The following CLEC16A variants were observed in gnomAD, a reference collection of about 807,000 sequenced individuals.
CLEC16A encodes the protein protein CLEC16A.
A neutral mutation model predicts 109.5 loss-of-function variants in CLEC16A; 51 were observed. That is an observed-to-expected ratio of 0.47 (90% CI 0.37 to 0.59). The LOEUF (loss-of-function observed/expected upper bound fraction) is 0.59. CLEC16A is among the 20% of genes least tolerant of loss of function. The pLI, the probability that CLEC16A is intolerant of heterozygous loss-of-function variation, is 0.00. For missense variants in CLEC16A, 1,339 were observed against 1,394.0 expected (o/e 0.96, Z 0.63); for synonymous variants, 673 against 564.2 (o/e 1.19, Z -2.73).
In CLEC16A at chr16:10,944,808, G is replaced by A. The variant is rs773542350; in HGVS notation, c.80+11G>A. 43 of 1,596,472 alleles carry A rather than the reference G, an allele frequency of 2.7e-5. No homozygotes were observed. The Admixed American group carries it at 4.1e-4, about 15-fold the overall frequency. On this transcript the variant is annotated intron_variant, in intron 1 of 23. Transcript: ENST00000409790. Reference sequence around the variant, plus strand: ...CTTGGACCACCTCAAGTGAGTGTGGGGGGCGTAGCGGGAGGCCTCGGGGCT... The same window carrying A: ...CTTGGACCACCTCAAGTGAGTGTGGAGGGCGTAGCGGGAGGCCTCGGGGCT...
chr16:11,055,533 G>T (rs1320104586), intron 18 of CLEC16A, among the ~76,000 whole-genome samples: 2 of 151,158 alleles, frequency 1.3e-5, no homozygotes, highest in East Asian at 1.9e-4. Flanking sequence ...CGCTTTGCAG[G>T]CCGTGGGGAG....
intron 19 of CLEC16A, among the ~76,000 whole-genome samples, chr16:11,119,801 T>C (rs1259622085): frequency 6.6e-6 from 1 of 152,194 alleles, no homozygotes; most frequent in African/African-American, 2.4e-5. Context: ...TGTTGGTATT[T>C]TGATAGGAAT....
intron 7 of CLEC16A, among the ~76,000 whole-genome samples, chr16:10,975,444 AT>A (rs1353112758): frequency 2.6e-5 from 4 of 152,214 alleles, no homozygotes; most frequent in African/African-American, 9.7e-5. Context: ...TTACTTTGAT[AT>A]TTTTTAAACC....
chr16:11,159,419 G>A (rs1047066662), intron 22 of CLEC16A, among the ~76,000 whole-genome samples: 3 of 152,248 alleles, frequency 2.0e-5, no homozygotes, highest in Non-Finnish European at 4.4e-5. Context: ...GCCTTGCCCT[G>A]TCTGATTTTC....
intron 11 of CLEC16A, among the ~76,000 whole-genome samples, chr16:11,011,535 T>G (rs1195406483): frequency 1.3e-5 from 2 of 152,204 alleles, no homozygotes; most frequent in Non-Finnish European, 2.9e-5. Context: ...CATGGTGTTC[T>G]GTGTTCATCT....
At chr16:11,123,979 GAGCACTTGGTGGGTC>G in intron 21 of CLEC16A, 33 bp downstream of exon 21, 1 of 1,561,626 alleles carries the variant, frequency 6.4e-7, no homozygotes, top group South Asian at 1.2e-5. Context: ...GGCATCCTCT[GAGCACTTGGTGGGTC>G]AGGGCTGTTT....
At chr16:11,081,855 T>C (rs936902772) in intron 19 of CLEC16A, among the ~76,000 whole-genome samples, 3 of 152,202 alleles carry the variant, frequency 2.0e-5, no homozygotes, top group African/African-American at 7.2e-5. Flanking sequence ...AATGTGCCTT[T>C]TTGTTTTTTC....
At chr16:11,149,637 T>C (rs1001261292) in intron 22 of CLEC16A, among the ~76,000 whole-genome samples, 2 of 151,896 alleles carry the variant, frequency 1.3e-5, no homozygotes, top group African/African-American at 2.4e-5. Flanking sequence ...ACTAAAAATA[T>C]AAATAGCTGG....
At chr16:11,000,734 T>A (rs1057067989) in intron 10 of CLEC16A, among the ~76,000 whole-genome samples, 6 of 152,212 alleles carry the variant, frequency 3.9e-5, no homozygotes, top group Non-Finnish European at 5.9e-5. Context: ...GGTTGAATAA[T>A]CCACAGTGGG....
At chr16:11,096,177 T>G (rs1597371815) in intron 19 of CLEC16A, among the ~76,000 whole-genome samples, 1 of 148,652 alleles carries the variant, frequency 6.7e-6, no homozygotes, top group Non-Finnish European at 1.5e-5. Flanking sequence ...ACCCCATCTC[T>G]AAAAAAAAAA....
rs199894098 is a variant in CLEC16A, at chr16:11,051,649, A to C, written c.1995+8A>C. 3.1e-6 allele frequency: 5 copies of C among 1,612,974 alleles called. No individual in the cohort carries two copies. The highest frequency in any genetic ancestry group is 4.2e-6 in the Non-Finnish European group (5 of 1,179,042). ...GTGGAGAAGACCCGGCGGGTGAGTG[A>C]GCACAGGACCTGTCATCTCCTGGGC... is the stretch of plus-strand genomic sequence containing the variant. On this transcript the variant is annotated splice_region_variant and intron_variant, in intron 18 of 23. Coordinates refer to ENST00000409790, the MANE Select transcript of CLEC16A (RefSeq NM_015226.3).
At chr16:11,162,413 C>T (rs1231601506) in intron 22 of CLEC16A, among the ~76,000 whole-genome samples, 1 of 152,218 alleles carries the variant, frequency 6.6e-6, no homozygotes, top group Admixed American at 6.5e-5. Context: ...TTTGTGTTCC[C>T]TCCATCATCC....
chr16:11,012,155 A>G (rs1435033788), intron 11 of CLEC16A, among the ~76,000 whole-genome samples: 3 of 152,178 alleles, frequency 2.0e-5, no homozygotes, highest in Non-Finnish European at 4.4e-5. Flanking sequence ...AAAGAAACCA[A>G]TTTTACCATA....
At chr16:11,090,180 A>T (rs1020108063) in intron 19 of CLEC16A, among the ~76,000 whole-genome samples, 1 of 152,166 alleles carries the variant, frequency 6.6e-6, no homozygotes, top group Non-Finnish European at 1.5e-5. Flanking sequence ...CCTGCCTCAT[A>T]CGACCAGGCT....
chr16:11,063,181 G>T (rs1239009974), intron 19 of CLEC16A, among the ~76,000 whole-genome samples: 1 of 151,972 alleles, frequency 6.6e-6, no homozygotes, highest in African/African-American at 2.4e-5. Flanking sequence ...TTGCTAAGGA[G>T]GGCGACTTTC....
intron 19 of CLEC16A, among the ~76,000 whole-genome samples, chr16:11,105,079 G>A (rs112179114): frequency 5.3e-5 from 8 of 152,210 alleles, no homozygotes; most frequent in Non-Finnish European, 1.2e-4. Context: ...CTGCCTCACA[G>A]AGTTAGGCAA....
chr16:11,127,762 C>G (rs538138890), intron 22 of CLEC16A, among the ~76,000 whole-genome samples: 1 of 152,204 alleles, frequency 6.6e-6, no homozygotes, highest in East Asian at 1.9e-4. Context: ...CAGCTACACT[C>G]AGGAGGCTGA....
intron 11 of CLEC16A, among the ~76,000 whole-genome samples, chr16:11,017,916 G>A (rs1416423371): frequency 6.8e-6 from 1 of 146,906 alleles, no homozygotes; most frequent in Non-Finnish European, 1.5e-5. Flanking sequence ...TCCTGGAACA[G>A]AAAAAAGACA....
At chr16:11,130,474 A>G (rs2053130057) in intron 22 of CLEC16A, among the ~76,000 whole-genome samples, 2 of 152,204 alleles carry the variant, frequency 1.3e-5, no homozygotes, top group African/African-American at 2.4e-5. Context: ...TCCAAGGACC[A>G]TGTACCCAGG....
Sources: gnomAD v4.1 joint callset for allele counts (sites outside exome capture counted in the v4.1 genomes callset) on GRCh38, gnomAD v4.1.1 for gene constraint, MANE v1.5 for transcripts, NCBI Gene and HGNC (gene_info 2026-07-23, HGNC 2026-07-21) for gene names.